IL27RA: variants seen among roughly 807,000 people sequenced by gnomAD.
IL27RA encodes the protein interleukin 27 receptor subunit alpha.
IL27RA carries 61 observed loss-of-function variants against 80.8 expected under a neutral mutation model. The observed-to-expected ratio is 0.76, with a 90% CI of 0.61 to 0.93. The LOEUF is 0.93. Among genes scored for constraint, IL27RA ranks in the 40% least tolerant of loss-of-function variants. The pLI is 0.00. For synonymous variants in IL27RA, 316 were observed against 332.5 expected, an observed-to-expected ratio of 0.95 and a Z score of 0.54; for missense variants, 735 against 808.1, an observed-to-expected ratio of 0.91 and a Z score of 1.10.
chr19:14,032,526 G>C, intron 2 of IL27RA, 23 bp downstream of exon 2: 1 of 1,540,652 alleles, frequency 6.5e-7, no homozygotes, highest in Non-Finnish European at 9.0e-7. Context: ...AGGTGACGTG[G>C]GGAAACAGGC....
At chr19:14,033,036 C>T (rs929124721) in intron 2 of IL27RA, among the ~76,000 whole-genome samples, 6 of 149,972 alleles carry the variant, frequency 4.0e-5, no homozygotes, top group Admixed American at 2.7e-4. Flanking sequence ...TTTGGGAGGC[C>T]GAGGCGGGAG....
At chr19:14,051,303 G>A (rs1216740719) in intron 11 of IL27RA, among the ~76,000 whole-genome samples, 1 of 151,948 alleles carries the variant, frequency 6.6e-6, no homozygotes, top group Non-Finnish European at 1.5e-5. Context: ...TCAGCACTTT[G>A]GGAGGCCGAG....
chr19:14,052,524 G>T lies in IL27RA; in HGVS notation c.*234G>T, dbSNP rs1408434800. ...GAAGGTGGAGCAAAGGAAAATACAT[G>T]AAATTGAGAGTGGCAGCTGCCTGCC... On this transcript the variant is annotated 3_prime_UTR_variant, in exon 14 of 14. Coordinates refer to ENST00000263379, the MANE Select transcript of IL27RA (RefSeq NM_004843.4). 2 of 423,360 alleles carry T rather than the reference G, an allele frequency of 4.7e-6. No homozygotes were observed. Among genetic ancestry groups the T allele is most frequent in the Admixed American group, 7.9e-5 (2 of 25,160 alleles). The allele number at this position is 423,360 out of a possible 1,614,324, so 26.2% of individuals were successfully genotyped here. A position where few individuals can be genotyped will look rare whatever the true frequency, so the allele number is the denominator to read the frequency against.
chr19:14,042,679 C>T (rs1976008481), intron 5 of IL27RA, 37 bp from the exon 6 acceptor site: 1 of 1,613,730 alleles, frequency 6.2e-7, no homozygotes, highest in Admixed American at 1.7e-5. Flanking sequence ...CCAATCATGT[C>T]CCACTCATTT....
intron 8 of IL27RA, among the ~76,000 whole-genome samples, chr19:14,047,993 T>C (rs1167184960): frequency 6.7e-6 from 1 of 148,324 alleles, no homozygotes; most frequent in African/African-American, 2.5e-5. Context: ...AGTCTCACTC[T>C]GTCAGCCAGG....
rs1349437662 is a variant in IL27RA at position 14,049,168 on chromosome 19, G to C, written c.1256G>C (p.Gly419Ala). Reference protein sequence around the residue: ...GFREELAPLVGPTLWRLQDAP... With the variant: ...GFREELAPLVAPTLWRLQDAP... ...CCTTCCTCCCCAGCACCCCTAGTGG[G>C]GCCAACGCTTTGGCGACTCCAAGAT... Residue 419 changes from glycine to alanine, a missense_variant, in exon 10 of 14, where the codon GGG becomes GCG. By Grantham distance (60) the Gly-to-Ala change is moderately conservative. Transcript: ENST00000263379. 2 of 1,613,826 alleles carry C rather than the reference G, an allele frequency of 1.2e-6. No homozygotes were observed. Among genetic ancestry groups the C allele is most frequent in the Non-Finnish European group, 1.7e-6 (2 of 1,179,914 alleles).
chr19:14,044,050 C>CAA (rs111909254), intron 6 of IL27RA, among the ~76,000 whole-genome samples: 44 of 85,118 alleles, frequency 5.2e-4, no homozygotes, highest in Admixed American at 1.7e-3. Flanking sequence ...CTCTGTCTCA[C>CAA]AAAAAAAAAA....
intron 7 of IL27RA, 26 bp downstream of exon 7, chr19:14,046,363 T>C: frequency 6.2e-7 from 1 of 1,613,506 alleles, no homozygotes; most frequent in Admixed American, 1.7e-5. Context: ...CTTCCTCAGC[T>C]CGGTGCCCTG....
At position 14,039,777 on chromosome 19, in the gene IL27RA, G is replaced by A; in HGVS notation, c.401G>A (p.Gly134Asp). The A allele has an allele frequency of 6.2e-7, 1 of 1,614,130 alleles. No individual in the cohort carries two copies. The highest frequency in any genetic ancestry group is 8.5e-7 in the Non-Finnish European group (1 of 1,180,020). ...TQMKPNAPRL[G>D]PDVDFSEDDP... ...GTGAAGCCAAACGCCCCCCGGCTGG[G>A]CCCTGACGTGGACTTTTCCGAGGAT... The change falls in exon 4 of 14, where the codon GGC becomes GAC. Residue 134 changes from glycine to aspartate, a missense_variant. Physicochemically the swap from Gly to Asp is moderately conservative, Grantham distance 94 (BLOSUM62 -1). Coordinates refer to ENST00000263379, the MANE Select transcript of IL27RA (RefSeq NM_004843.4).
Position 14,051,709 on chromosome 19 carries a change from G to C in IL27RA, c.1622+9G>C. 1 of 1,587,514 alleles carries C rather than the reference G, an allele frequency of 6.3e-7. No individual in the cohort carries two copies. Among genetic ancestry groups the C allele is most frequent in the Non-Finnish European group, 8.6e-7 (1 of 1,161,184 alleles). On this transcript the variant is annotated intron_variant, in intron 12 of 13. Coordinates refer to ENST00000263379, the MANE Select transcript of IL27RA (RefSeq NM_004843.4). ...CTGGCCACCTCTGGAAGGTGAGGCT[G>C]TCGGATACATGCATCTCTACCCACG... is the stretch of plus-strand genomic sequence containing the variant.
rs143621300 is a variant in IL27RA at position 14,046,514 on chromosome 19, G to C, written c.1037G>C (p.Gly346Ala). The C allele has an allele frequency of 1.9e-6, 3 of 1,614,110 alleles. No homozygotes were observed. Among genetic ancestry groups the C allele is most frequent in the Non-Finnish European group, 2.5e-6 (3 of 1,180,024 alleles). Residue 346 changes from glycine (G) to alanine (A), a missense_variant, in exon 8 of 14, where the codon GGG (glycine) becomes GCG (alanine). By Grantham distance (60) the Gly-to-Ala change is moderately conservative. Coordinates refer to ENST00000263379, the MANE Select transcript of IL27RA (RefSeq NM_004843.4). The stretch of plus-strand genomic sequence containing the variant: ...CTGGTGACCTGGCAACCGGGGCCTG[G>C]GGAACCACTGGAGCATGTAGTGGAC... ...ELLVTWQPGP[G>A]EPLEHVVDWA... is the part of the protein sequence containing the mutation.
intron 10 of IL27RA, 87 bp downstream of exon 10, chr19:14,049,401 C>T: frequency 1.4e-6 from 2 of 1,415,156 alleles, no homozygotes; most frequent in Non-Finnish European, 1.9e-6. Flanking sequence ...CCACGTGGGC[C>T]TCTTTGGCCC....
rs1470624953 is a variant in IL27RA, at chr19:14,052,726, A to T, written c.*436A>T. 6.4e-6 allele frequency: 1 copy of T among 155,044 alleles called. No individual in the cohort carries two copies. 9.6% of individuals were successfully genotyped at this position (155,044 alleles called of 1,614,324 possible). A position where few individuals can be genotyped will look rare whatever the true frequency, so the allele number is the denominator to read the frequency against. On this transcript the variant is annotated 3_prime_UTR_variant, in exon 14 of 14. Transcript: ENST00000263379. ...CAAAAATAAAACATCAAAAACAAAAACAATTAGCTGGGCATGATGGCACAC... is the reference window on the plus strand; with the variant it reads ...CAAAAATAAAACATCAAAAACAAAATCAATTAGCTGGGCATGATGGCACAC...
chr19:14,035,312 A>G (rs767372317), intron 2 of IL27RA, among the ~76,000 whole-genome samples: 28 of 152,000 alleles, frequency 1.8e-4, no homozygotes, highest in South Asian at 6.2e-4. Context: ...CTACGATCTT[A>G]ACCATTTTTA....
intron 2 of IL27RA, among the ~76,000 whole-genome samples, chr19:14,033,558 G>A (rs1351732226): frequency 2.0e-5 from 3 of 151,640 alleles, no homozygotes; most frequent in Non-Finnish European, 4.4e-5. Flanking sequence ...CCAGCTACTC[G>A]GGAGGCTGAG....
At position 14,041,016 on chromosome 19, in the gene IL27RA, G is replaced by A. The variant is rs182655293; in HGVS notation, c.534+1106G>A. ...CCATCTAGGTTCAAGCGATTCTCCT[G>A]CCTCAGCCTCCCGAGTAGCTGGGAT... On this transcript the variant is annotated intron_variant, in intron 4 of 13. Transcript: ENST00000263379. Among the ~76,000 whole-genome samples, 339 of 148,948 alleles carry A rather than the reference G, an allele frequency of 2.3e-3. 2 individuals carry two copies. The highest frequency in any genetic ancestry group is 8.1e-3 in the African/African-American group (326 of 40,410).
chr19:14,045,316 G>A (rs963255118), intron 6 of IL27RA, among the ~76,000 whole-genome samples: 18 of 150,654 alleles, frequency 1.2e-4, no homozygotes, highest in East Asian at 6.0e-4. Flanking sequence ...ATGGCTGGGC[G>A]TGGTGGCTCA....
In IL27RA at chr19:14,042,709, T is replaced by C. The variant is rs1332355414; in HGVS notation, c.695-7T>C. On this transcript the variant is annotated splice_polypyrimidine_tract_variant and splice_region_variant and intron_variant, in intron 5 of 13. Coordinates refer to ENST00000263379, the MANE Select transcript of IL27RA (RefSeq NM_004843.4). ...TCATTTGTTCCCCGTTTCCTCATCC[T>C]TGCCAGCTCCAAAAGATGTGTGGGT... 3 of 1,614,176 alleles carry C rather than the reference T, an allele frequency of 1.9e-6. No individual in the cohort carries two copies. Among genetic ancestry groups the C allele is most frequent in the African/African-American group, 1.3e-5 (1 of 75,066 alleles).
chr19:14,046,710 G>C lies in IL27RA; in HGVS notation c.1141+92G>C, dbSNP rs116771778. ...GAGGGAGTGCTATGATTAAAGTAGC[G>C]TGATGGCCGGGCTTGGTGGCTCATG... On this transcript the variant is annotated intron_variant, in intron 8 of 13. Transcript: ENST00000263379. 2.6e-4 allele frequency: 322 copies of C among 1,254,084 alleles called. No individual in the cohort carries two copies. In the African/African-American group the frequency reaches 4.6e-3, roughly 18 times the overall value. 77.7% of individuals were successfully genotyped at this position (1,254,084 alleles called of 1,614,324 possible).
Sources: gnomAD v4.1 joint callset for allele counts (sites outside exome capture counted in the v4.1 genomes callset) on GRCh38, gnomAD v4.1.1 for gene constraint, MANE v1.5 for transcripts, NCBI Gene and HGNC (gene_info 2026-07-23, HGNC 2026-07-21) for gene names.